The following TBC1D16 variants were observed in gnomAD, a reference collection of about 807,000 sequenced individuals.
TBC1D16 encodes CTD-2529O21.1.
A neutral mutation model predicts 74.7 loss-of-function variants in TBC1D16; 58 were observed. The observed-to-expected ratio is 0.78, with a 90% CI of 0.63 to 0.97. TBC1D16 has a LOEUF of 0.97. TBC1D16 is among the 50% of genes least tolerant of loss of function. TBC1D16 has a pLI of 0.00. For missense variants in TBC1D16, 1,014 were observed against 1,079.5 expected (o/e 0.94, Z 0.85); for synonymous variants, 493 against 474.7 (o/e 1.04, Z -0.50).
intron 3 of TBC1D16, among the ~76,000 whole-genome samples, chr17:79,974,568 G>A (rs775117490): frequency 8.5e-5 from 13 of 152,152 alleles, no homozygotes; most frequent in Non-Finnish European, 1.2e-4. Flanking sequence ...ATGGTTGGCC[G>A]AGGGTAACTG....
intron 1 of TBC1D16, among the ~76,000 whole-genome samples, chr17:80,033,358 G>C (rs1598459884): frequency 7.3e-6 from 1 of 136,348 alleles, no homozygotes; most frequent in Admixed American, 6.8e-5. Context: ...TTGTTTTGTT[G>C]TTGTTGTTGT....
Position 79,971,779 on chromosome 17 carries a change from G to C in TBC1D16, c.780-18961C>G, listed in dbSNP as rs2034115633. On this transcript the variant is annotated intron_variant, in intron 3 of 11. Transcript: ENST00000310924. The surrounding 1 kb of genome is among the most constrained non-coding windows in gnomAD (Gnocchi z 4.6). ...GATGTGGATAATTTGGACACCACTT[G>C]GACTGTGAGCTGCTGGGAGGTGTCA... 6.6e-6 allele frequency among the ~76,000 whole-genome samples: 1 copy of C among 152,126 alleles called. No individual in the cohort carries two copies. Among genetic ancestry groups the C allele is most frequent in the Admixed American group, 6.5e-5 (1 of 15,268 alleles).
chr17:79,996,042 CA>C (rs746127322), intron 3 of TBC1D16, among the ~76,000 whole-genome samples: 2 of 152,054 alleles, frequency 1.3e-5, no homozygotes, highest in Non-Finnish European at 2.9e-5. Context: ...ACTCAGTAGT[CA>C]ACAAACAAAA....
intron 3 of TBC1D16, among the ~76,000 whole-genome samples, chr17:79,977,026 G>A (rs1041447424): frequency 6.6e-6 from 1 of 152,210 alleles, no homozygotes; most frequent in South Asian, 2.1e-4. Flanking sequence ...AGGAGCCTCT[G>A]GCAGGAGGAA....
rs1456757381 is a variant in TBC1D16 at position 79,940,783 on chromosome 17, C to G, written c.*76G>C. 1 of 1,429,358 alleles carries G rather than the reference C, an allele frequency of 7.0e-7. No individual in the cohort carries two copies. The highest frequency in any genetic ancestry group is 2.7e-5 in the Admixed American group (1 of 37,262). The allele number at this position is 1,429,358 out of a possible 1,614,324, so 88.5% of individuals were successfully genotyped here. On this transcript the variant is annotated 3_prime_UTR_variant, in exon 12 of 12. Transcript: ENST00000310924. This position sits in a 1 kb window ranked among gnomAD's most constrained non-coding sequence, Gnocchi z 5.4. ...TCTACCGTCCCCTGTCCCCTTCACG[C>G]CCAGCCCCACCCCCTCCCGTGCCCA...
chr17:80,025,516 G>A (rs1021967436), intron 1 of TBC1D16, among the ~76,000 whole-genome samples: 2 of 149,904 alleles, frequency 1.3e-5, no homozygotes, highest in Non-Finnish European at 2.9e-5. Context: ...TGCCCCCGGA[G>A]AGCCCTGGAG....
intron 3 of TBC1D16, among the ~76,000 whole-genome samples, chr17:79,970,097 A>G: frequency 6.6e-6 from 1 of 152,238 alleles, no homozygotes; most frequent in East Asian, 1.9e-4. Context: ...AATACTGTTC[A>G]GCTATAAATA....
Position 79,940,982 on chromosome 17 carries a change from G to A in TBC1D16, c.2181C>T (p.Gly727=). The A allele has an allele frequency of 6.2e-7, 1 of 1,607,900 alleles. No homozygotes were observed. The highest frequency in any genetic ancestry group is 8.5e-7 in the Non-Finnish European group (1 of 1,177,938). Residue 727 remains glycine, a synonymous_variant, in exon 12 of 12, where the codon GGC becomes GGT. Coordinates refer to ENST00000310924, the MANE Select transcript of TBC1D16 (RefSeq NM_019020.4). This position sits in a 1 kb window ranked among gnomAD's most constrained non-coding sequence, Gnocchi z 5.4. ...GACAGCTCTCCGAGCCGGGATGGTG[G>A]CCGGTGCACTCCACCGCGGGCATGG... is the stretch of plus-strand genomic sequence containing the variant. ...SGSMPAVECT[G]HHPGSESCPY...
chr17:79,999,992 A>C (rs1226023044), intron 3 of TBC1D16, among the ~76,000 whole-genome samples: 1 of 152,174 alleles, frequency 6.6e-6, no homozygotes, highest in Non-Finnish European at 1.5e-5. Context: ...CTGGGCCATG[A>C]GGAGCAACTG....
intron 1 of TBC1D16, among the ~76,000 whole-genome samples, chr17:80,017,596 G>A (rs894638879): frequency 5.4e-5 from 8 of 147,730 alleles, no homozygotes; most frequent in East Asian, 2.0e-4. Context: ...CGGGAGAATC[G>A]CTTGAACCCA....
At chr17:79,973,575 C>T (rs1409148697) in intron 3 of TBC1D16, among the ~76,000 whole-genome samples, 11 of 151,826 alleles carry the variant, frequency 7.2e-5, no homozygotes, top group South Asian at 4.2e-4. Flanking sequence ...CCAGGTGTGG[C>T]GGCGGGCGCC....
chr17:79,973,447 C>T (rs902056340), intron 3 of TBC1D16, among the ~76,000 whole-genome samples: 2 of 152,054 alleles, frequency 1.3e-5, no homozygotes, highest in African/African-American at 4.8e-5. Flanking sequence ...CAGTGGCTTA[C>T]GCCTGTAATC....
intron 1 of TBC1D16, among the ~76,000 whole-genome samples, chr17:80,033,616 T>C (rs769604586): frequency 6.6e-6 from 1 of 152,188 alleles, no homozygotes; most frequent in African/African-American, 2.4e-5. Flanking sequence ...CAAGTGATTC[T>C]CCCAAAATAC....
rs2035858931 is a variant in TBC1D16, at chr17:80,010,687, G to A, written c.252C>T (p.Asn84=). The A allele has an allele frequency of 6.6e-7, 1 of 1,521,328 alleles. No homozygotes were observed. Among genetic ancestry groups the A allele is most frequent in the South Asian group, 1.3e-5 (1 of 75,174 alleles). 94.2% of individuals were successfully genotyped at this position (1,521,328 alleles called of 1,614,324 possible). A position where few individuals can be genotyped will look rare whatever the true frequency, so the allele number is the denominator to read the frequency against. Residue 84 remains asparagine, a synonymous_variant, in exon 3 of 12, where the codon AAC becomes AAT. Coordinates refer to ENST00000310924, the MANE Select transcript of TBC1D16 (RefSeq NM_019020.4). This position sits in a 1 kb window ranked among gnomAD's most constrained non-coding sequence, Gnocchi z 8.8. The stretch of plus-strand genomic sequence containing the variant: ...CCTCGTCCTGCCTCTGGATGCGAGA[G>A]TTGGGGACCCATGCCAGGATGAGGG... ...GATLILAWVP[N]SRIQRQDEEA...
chr17:80,021,780 ACAC>A (rs1335783255), intron 1 of TBC1D16, among the ~76,000 whole-genome samples: 1 of 148,568 alleles, frequency 6.7e-6, no homozygotes, highest in Non-Finnish European at 1.5e-5. Context: ...CCATAGGCAC[ACAC>A]CACACTCTAC....
chr17:79,948,275 T>C (rs1437453961), intron 8 of TBC1D16, among the ~76,000 whole-genome samples: 1 of 146,438 alleles, frequency 6.8e-6, no homozygotes, highest in African/African-American at 2.6e-5. Flanking sequence ...ATCACACCAC[T>C]GCACTCCAGT....
In TBC1D16 at chr17:80,035,249, T is replaced by TC. The variant is rs1188078950; in HGVS notation, c.-63+545dup. ...TTCTTTCTTTTTCTTTTTTTTTTTT[T>TC]CCCAAAGGAAAGAACAAGGGAGCCC... is the stretch of plus-strand genomic sequence containing the variant. On this transcript the variant is annotated intron_variant, in intron 1 of 11. Coordinates refer to ENST00000310924, the MANE Select transcript of TBC1D16 (RefSeq NM_019020.4). The surrounding 1 kb of genome is among the most constrained non-coding windows in gnomAD (Gnocchi z 5.3). 8.4e-6 allele frequency among the ~76,000 whole-genome samples: 1 copy of TC among 119,388 alleles called. No homozygotes were observed. Among genetic ancestry groups the TC allele is most frequent in the Admixed American group, 8.6e-5 (1 of 11,586 alleles). The allele number at this position is 119,388 out of a possible 152,430, so 78.3% of individuals were successfully genotyped here. A position where few individuals can be genotyped will look rare whatever the true frequency, so the allele number is the denominator to read the frequency against.
At position 79,941,615 on chromosome 17, in the gene TBC1D16, A is replaced by G. The variant is rs1258603929; in HGVS notation, c.2055+445T>C. ...CAGAGAGCTAACGGGCAGCATCTCC[A>G]GGAGGCGTCTGGGAAGTGGGGGAGG... On this transcript the variant is annotated intron_variant, in intron 11 of 11. Transcript: ENST00000310924. The surrounding 1 kb of genome is among the most constrained non-coding windows in gnomAD (Gnocchi z 4.3). 6.6e-6 allele frequency among the ~76,000 whole-genome samples: 1 copy of G among 152,148 alleles called. No homozygotes were observed. The highest frequency in any genetic ancestry group is 1.5e-5 in the Non-Finnish European group (1 of 68,008).
At chr17:79,997,502 A>G (rs1174149378) in intron 3 of TBC1D16, among the ~76,000 whole-genome samples, 1 of 152,184 alleles carries the variant, frequency 6.6e-6, no homozygotes, top group Non-Finnish European at 1.5e-5. Flanking sequence ...CCATGGCCCG[A>G]GGGCCAAATT....
Sources: gnomAD v4.1 joint callset for allele counts (sites outside exome capture counted in the v4.1 genomes callset) on GRCh38, gnomAD v4.1.1 for gene constraint, Gnocchi (gnomAD v3.1) non-coding constraint, MANE v1.5 for transcripts, NCBI Gene and HGNC (gene_info 2026-07-23, HGNC 2026-07-21) for gene names.